Variants in IGSF11 observed in about 807,000 individuals in gnomAD.
The protein encoded by IGSF11 is CXADR like 1.
Under a neutral mutation model 41.0 loss-of-function variants are expected in IGSF11, and 22 were observed. The ratio of observed to expected loss-of-function variants is 0.54; its 90% CI spans 0.38 to 0.77. IGSF11 has a LOEUF of 0.77. Ranked by LOEUF, IGSF11 falls within the 30% of genes least tolerant of loss-of-function variation. The pLI, the probability that IGSF11 is intolerant of heterozygous loss-of-function variation, is 0.00. For missense variants in IGSF11, 444 were observed against 530.8 expected (o/e 0.84, Z 1.61); for synonymous variants, 219 against 201.3 (o/e 1.09, Z -0.74).
chr3:118,914,438 A>C (rs1360165485), intron 4 of IGSF11, among the ~76,000 whole-genome samples: 2 of 151,470 alleles, frequency 1.3e-5, no homozygotes, highest in East Asian at 2.0e-4. Context: ...GCATTGCCTC[A>C]CCTGGGAAGC....
intron 1 of IGSF11, among the ~76,000 whole-genome samples, chr3:119,048,837 T>C (rs1941487171): frequency 6.6e-6 from 1 of 151,972 alleles, no homozygotes; most frequent in Non-Finnish European, 1.5e-5. Context: ...GCAAGGCTGG[T>C]TCAATATATG....
At position 118,928,700 on chromosome 3, in the gene IGSF11, C is replaced by T; in HGVS notation, c.233G>A (p.Gly78Asp). ...NQPEQVILYQGGQMFDGAPRF... is the reference protein window; with the variant it reads ...NQPEQVILYQDGQMFDGAPRF... The stretch of plus-strand genomic sequence containing the variant: ...GGGGGCACCATCAAACATCTGTCCA[C>T]CCTGATACAGGATGACCTGGAAAAG... Residue 78 changes from glycine to aspartate, a missense_variant, in exon 3 of 7, where the codon GGT becomes GAT. Coordinates refer to ENST00000393775, the MANE Select transcript of IGSF11 (RefSeq NM_001015887.3). The T allele has an allele frequency of 6.2e-7, 1 of 1,613,664 alleles. No individual in the cohort carries two copies. The highest frequency in any genetic ancestry group is 8.5e-7 in the Non-Finnish European group (1 of 1,179,734).
intron 1 of IGSF11, among the ~76,000 whole-genome samples, chr3:119,113,880 C>A (rs115161101): frequency 2.0e-5 from 3 of 152,342 alleles, no homozygotes; most frequent in Middle Eastern, 6.8e-3. Flanking sequence ...GAAATCTAAG[C>A]GGAGGTTCCC....
intron 1 of IGSF11, among the ~76,000 whole-genome samples, chr3:118,940,210 A>G (rs1189069107): frequency 2.0e-5 from 3 of 152,192 alleles, no homozygotes; most frequent in Non-Finnish European, 4.4e-5. Flanking sequence ...ATAAGAATTA[A>G]AAGACATATA....
intron 1 of IGSF11, among the ~76,000 whole-genome samples, chr3:118,933,073 G>A (rs935164989): frequency 4.6e-5 from 7 of 152,262 alleles, no homozygotes; most frequent in African/African-American, 1.7e-4. Context: ...TGGGGCAGCA[G>A]AAGTTGTGAA....
chr3:119,035,111 G>A (rs1024164703), upstream of IGSF11, among the ~76,000 whole-genome samples: 118 of 152,228 alleles, frequency 7.8e-4, 1 homozygote, highest in Non-Finnish European at 1.1e-3. Context: ...CGCCCTCCTC[G>A]CCGGAGTTAG....
intron 1 of IGSF11, among the ~76,000 whole-genome samples, chr3:119,045,356 C>T (rs1350403300): frequency 5.3e-5 from 8 of 152,240 alleles, no homozygotes; most frequent in South Asian, 2.1e-4. Context: ...CAGGGAGTTC[C>T]CTTTCCGAGT....
chr3:118,996,423 C>T (rs111948694), intron 1 of IGSF11, among the ~76,000 whole-genome samples: 1 of 152,138 alleles, frequency 6.6e-6, no homozygotes, highest in African/African-American at 2.4e-5. Context: ...ACGCTACTTC[C>T]ATGCCACCAT....
intron 1 of IGSF11, among the ~76,000 whole-genome samples, chr3:119,074,859 TAAATA>T (rs1326577210): frequency 6.6e-6 from 1 of 150,960 alleles, no homozygotes; most frequent in Admixed American, 6.6e-5. Context: ...CTCAAAAAAA[TAAATA>T]AAATAAACAA....
At position 119,060,721 on chromosome 3, in the gene IGSF11, T is replaced by C. The variant is rs369492786; in HGVS notation, c.49+44423A>G. The stretch of plus-strand genomic sequence containing the variant: ...TCAAGTTTTCTGTCTCTATGGCCAG[T>C]GTTCTTTCCACTATATGCAGATACC... On this transcript the variant is annotated intron_variant, in intron 1 of 6. Transcript: ENST00000354673. Among the ~76,000 whole-genome samples the C allele has an allele frequency of 1.1e-4, 17 of 152,314 alleles. No homozygotes were observed. The East Asian group carries it at 2.1e-3, about 19-fold the overall frequency.
intron 1 of IGSF11, among the ~76,000 whole-genome samples, chr3:118,956,402 C>T (rs563978146): frequency 5.3e-5 from 8 of 152,304 alleles, no homozygotes; most frequent in African/African-American, 1.9e-4. Context: ...TTCAACATGC[C>T]TTCCTCACTA....
intron 1 of IGSF11, among the ~76,000 whole-genome samples, chr3:119,000,403 G>T (rs1038628056): frequency 4.0e-5 from 6 of 151,178 alleles, no homozygotes; most frequent in Non-Finnish European, 5.9e-5. Context: ...CTAAGAGATT[G>T]CTCAGAGTTT....
upstream of IGSF11, among the ~76,000 whole-genome samples, chr3:119,106,459 T>A (rs2107511854): frequency 6.6e-6 from 1 of 152,312 alleles, no homozygotes; most frequent in East Asian, 1.9e-4. Flanking sequence ...GTAAGAAATT[T>A]GCTTTTCTCT....
At chr3:119,096,045 G>GTTTT (rs1318300627) in intron 1 of IGSF11, among the ~76,000 whole-genome samples, 3 of 144,906 alleles carry the variant, frequency 2.1e-5, no homozygotes, top group Non-Finnish European at 4.7e-5. Flanking sequence ...GATGAAAACT[G>GTTTT]TTTTATTTAT....
At chr3:118,959,510 A>G (rs2107598376) in intron 1 of IGSF11, among the ~76,000 whole-genome samples, 1 of 152,376 alleles carries the variant, frequency 6.6e-6, no homozygotes, top group East Asian at 1.9e-4. Context: ...GTAATAACAT[A>G]CATGGATAAC....
At chr3:119,059,650 T>C (rs1941991437) in intron 1 of IGSF11, among the ~76,000 whole-genome samples, 1 of 152,072 alleles carries the variant, frequency 6.6e-6, no homozygotes. Flanking sequence ...CTGCAGACAC[T>C]GGTGATTTTT....
chr3:119,034,350 CAGAAGCAGCCGCTGCAGGTGCGCGCG>C (rs2107740182), intron 1 of IGSF11, among the ~76,000 whole-genome samples, 155 bp downstream of exon 1: 2 of 152,322 alleles, frequency 1.3e-5, no homozygotes, highest in African/African-American at 4.8e-5. Flanking sequence ...GCGCGGGCGG[CAGAAGCAGCCGCTGCAGGTGCGCGCG>C]AGCCTCGGCC....
At chr3:118,904,312 T>C (rs2107466014) in intron 6 of IGSF11, among the ~76,000 whole-genome samples, 1 of 152,324 alleles carries the variant, frequency 6.6e-6, no homozygotes, top group Middle Eastern at 3.4e-3. Flanking sequence ...TTCACATCTA[T>C]TATAAATGTC....
At chr3:118,968,827 G>C (rs1375106791) in intron 1 of IGSF11, among the ~76,000 whole-genome samples, 1 of 152,134 alleles carries the variant, frequency 6.6e-6, no homozygotes, top group Admixed American at 6.5e-5. Flanking sequence ...CTAAAAATAG[G>C]CAAGTCAGCT....
Sources: gnomAD v4.1 joint callset for allele counts (sites outside exome capture counted in the v4.1 genomes callset) on GRCh38, gnomAD v4.1.1 for gene constraint, MANE v1.5 for transcripts, NCBI Gene and HGNC (gene_info 2026-07-23, HGNC 2026-07-21) for gene names.